Variants in INHBC observed in about 807,000 individuals in gnomAD.
INHBC encodes the protein inhibin subunit beta C.
Under a neutral mutation model 12.4 loss-of-function variants are expected in INHBC, and 10 were observed. The ratio of observed to expected loss-of-function variants is 0.81; its 90% CI spans 0.50 to 1.37. The LOEUF (loss-of-function observed/expected upper bound fraction) is 1.37. INHBC is among the 40% of genes most tolerant of loss of function. The pLI is 0.00. For synonymous variants in INHBC, 147 were observed against 171.6 expected, an observed-to-expected ratio of 0.86 and a Z score of 1.12; for missense variants, 382 against 439.4, an observed-to-expected ratio of 0.87 and a Z score of 1.17.
Position 57,450,077 on chromosome 12 carries a change from A to C in INHBC, c.*55A>C. On this transcript the variant is annotated 3_prime_UTR_variant, in exon 2 of 2. Transcript: ENST00000309668. ...GCATGGGAAAACACGCCCCTACAGA[A>C]GTGCACTTCCTTGAGAGGAGGGAAT... The C allele has an allele frequency of 6.9e-7, 1 of 1,459,192 alleles. No individual in the cohort carries two copies. Among genetic ancestry groups the C allele is most frequent in the Non-Finnish European group, 9.0e-7 (1 of 1,110,296 alleles). The allele number at this position is 1,459,192 out of a possible 1,614,324, so 90.4% of individuals were successfully genotyped here. A position where few individuals can be genotyped will look rare whatever the true frequency, so the allele number is the denominator to read the frequency against.
At position 57,449,534 on chromosome 12, in the gene INHBC, A is replaced by C; in HGVS notation, c.571A>C (p.Ser191Arg). The change falls in exon 2 of 2, where the codon AGC (serine) becomes CGC (arginine). Residue 191 changes from serine to arginine, a missense_variant. Coordinates refer to ENST00000309668, the MANE Select transcript of INHBC (RefSeq NM_005538.4). ...AGGGCCTGAAGCTCAAGCTGCCTGC[A>C]GCCAGGGGCACCTGACCCTGGAGCT... ...PLGPEAQAAC[S>R]QGHLTLELVL... The C allele has an allele frequency of 6.2e-7, 1 of 1,614,224 alleles. No individual in the cohort carries two copies. The highest frequency in any genetic ancestry group is 8.5e-7 in the Non-Finnish European group (1 of 1,180,040).
intron 1 of INHBC, among the ~76,000 whole-genome samples, chr12:57,447,893 ATATATATAT>A (rs1158959136): frequency 5.4e-4 from 11 of 20,336 alleles, no homozygotes; most frequent in African/African-American, 8.8e-4. Context: ...AAAAAAAAAA[ATATATATAT>A]ATATATATAT....
At chr12:57,446,317 A>G (rs1012860691) in intron 1 of INHBC, among the ~76,000 whole-genome samples, 1 of 152,128 alleles carries the variant, frequency 6.6e-6, no homozygotes, top group Non-Finnish European at 1.5e-5. Flanking sequence ...ACTTGGACAT[A>G]CAAGGCTGGG....
intron 1 of INHBC, among the ~76,000 whole-genome samples, chr12:57,441,413 T>G (rs1870462062): frequency 7.2e-6 from 1 of 138,222 alleles, no homozygotes; most frequent in South Asian, 2.4e-4. Flanking sequence ...TAATCCCAGC[T>G]ACTGGGGAGG....
chr12:57,434,872 G>C lies in INHBC; in HGVS notation c.-15G>C. The C allele has an allele frequency of 6.3e-7, 1 of 1,598,256 alleles. No homozygotes were observed. The highest frequency in any genetic ancestry group is 2.2e-5 in the East Asian group (1 of 44,682). Reference sequence around the variant, plus strand: ...GCCCTGAGTCTGTATTGCTCAAGAAGGGCCTTCCCCAGCAATGACCTCCTC... The same window carrying C: ...GCCCTGAGTCTGTATTGCTCAAGAACGGCCTTCCCCAGCAATGACCTCCTC... On this transcript the variant is annotated 5_prime_UTR_variant, in exon 1 of 2. Coordinates refer to ENST00000309668, the MANE Select transcript of INHBC (RefSeq NM_005538.4).
chr12:57,437,682 A>G (rs910389943), intron 1 of INHBC, among the ~76,000 whole-genome samples: 6 of 150,918 alleles, frequency 4.0e-5, no homozygotes, highest in Non-Finnish European at 7.4e-5. Context: ...AAAAAAAAAA[A>G]AAAGAAAGAA....
chr12:57,447,892 AATATATATATAT>A lies in INHBC; in HGVS notation c.314-1365_314-1354del, dbSNP rs1241342566. 1.1e-3 allele frequency among the ~76,000 whole-genome samples: 22 copies of A among 19,880 alleles called. No individual in the cohort carries two copies. The East Asian group carries it at 0.023, about 20-fold the overall frequency. The allele number at this position is 19,880 out of a possible 152,430, so 13.0% of individuals were successfully genotyped here. On this transcript the variant is annotated intron_variant, in intron 1 of 1. Coordinates refer to ENST00000309668, the MANE Select transcript of INHBC (RefSeq NM_005538.4). ...AAAAAAAAAAAAAAAAAAAAAAAAA[AATATATATATAT>A]ATATATATATATATATATAAAATAT...
chr12:57,449,505 C>A lies in INHBC; in HGVS notation c.542C>A (p.Pro181His), dbSNP rs752046212. 5 of 1,614,080 alleles carry A rather than the reference C, an allele frequency of 3.1e-6. No homozygotes were observed. In the African/African-American group the frequency reaches 6.7e-5, roughly 22 times the overall value. The change falls in exon 2 of 2, where the codon CCC (proline) becomes CAC (histidine). Residue 181 changes from proline to histidine, a missense_variant. Transcript: ENST00000309668. ...EVDASGWHQL[P>H]LGPEAQAACS... ...GATGCCAGTGGCTGGCATCAACTCC[C>A]CCTAGGGCCTGAAGCTCAAGCTGCC...
intron 1 of INHBC, among the ~76,000 whole-genome samples, chr12:57,436,061 G>A (rs1052817447): frequency 6.6e-6 from 1 of 152,018 alleles, no homozygotes; most frequent in Non-Finnish European, 1.5e-5. Flanking sequence ...TGGCCAAGCC[G>A]ATCTCAAACT....
At chr12:57,438,683 G>A (rs1333473041) in intron 1 of INHBC, among the ~76,000 whole-genome samples, 1 of 152,212 alleles carries the variant, frequency 6.6e-6, no homozygotes, top group African/African-American at 2.4e-5. Flanking sequence ...CTAGACGAAG[G>A]CATGAAAGCC....
intron 1 of INHBC, among the ~76,000 whole-genome samples, chr12:57,443,077 A>G (rs1337464417): frequency 2.0e-5 from 3 of 147,528 alleles, no homozygotes; most frequent in African/African-American, 5.0e-5. Context: ...TTTTGAGCCC[A>G]TGAGAGTATC....
chr12:57,447,520 C>T (rs939337348), intron 1 of INHBC, among the ~76,000 whole-genome samples: 1 of 150,796 alleles, frequency 6.6e-6, no homozygotes, highest in Admixed American at 6.6e-5. Context: ...AGGGTAGTGG[C>T]ACCACCAAGA....
chr12:57,444,008 C>T (rs1434811884), intron 1 of INHBC, among the ~76,000 whole-genome samples: 1 of 151,606 alleles, frequency 6.6e-6, no homozygotes, highest in East Asian at 2.0e-4. Context: ...AGGCTGATCT[C>T]GAATTCATGA....
chr12:57,446,992 T>TTGG (rs930633613), intron 1 of INHBC, among the ~76,000 whole-genome samples: 3 of 152,272 alleles, frequency 2.0e-5, no homozygotes, highest in African/African-American at 7.2e-5. Flanking sequence ...GTGGAAGGTG[T>TTGG]TGGTGATCTT....
At chr12:57,449,184 C>T (rs1870649971) in intron 1 of INHBC, 93 bp from the exon 2 acceptor site, 2 of 1,457,190 alleles carry the variant, frequency 1.4e-6, no homozygotes, top group Non-Finnish European at 1.9e-6. Context: ...ATGCCAAGTG[C>T]TATAGACAAC....
chr12:57,445,180 G>T (rs1870548253), intron 1 of INHBC, among the ~76,000 whole-genome samples: 1 of 152,244 alleles, frequency 6.6e-6, no homozygotes, highest in South Asian at 2.1e-4. Context: ...AGTATAGGCA[G>T]GGTGTAGTAG....
At position 57,449,704 on chromosome 12, in the gene INHBC, C is replaced by T; in HGVS notation, c.741C>T (p.Cys247=). The change falls in exon 2 of 2, where the codon TGC becomes TGT. Residue 247 remains cysteine, a synonymous_variant. Transcript: ENST00000309668. ...ACTGCCAAGGAGGGTCCAGGATGTG[C>T]TGTCGACAAGAGTTTTTTGTGGACT... ...GIDCQGGSRM[C]CRQEFFVDFR... is the part of the protein sequence containing the mutation. 1 of 1,614,268 alleles carries T rather than the reference C, an allele frequency of 6.2e-7. No individual in the cohort carries two copies. The highest frequency in any genetic ancestry group is 8.5e-7 in the Non-Finnish European group (1 of 1,180,042).
chr12:57,447,171 G>A (rs542205977), intron 1 of INHBC, among the ~76,000 whole-genome samples: 2 of 152,208 alleles, frequency 1.3e-5, no homozygotes, highest in South Asian at 4.1e-4. Context: ...AATGAAGAAA[G>A]TAATCATAGT....
Position 57,435,205 on chromosome 12 carries a change from T to C in INHBC, c.313+6T>C. On this transcript the variant is annotated splice_donor_region_variant and intron_variant, in intron 1 of 1. Transcript: ENST00000309668. ...CATCAGCTTTGCTGAGACAGGTGGG[T>C]TCCTGATCTGTAGCTCTTCCCCAGA... 1 of 1,602,070 alleles carries C rather than the reference T, an allele frequency of 6.2e-7. No individual in the cohort carries two copies. The highest frequency in any genetic ancestry group is 2.2e-5 in the East Asian group (1 of 44,482).
Sources: allele counts gnomAD v4.1 joint callset (sites outside exome capture counted in the v4.1 genomes callset), GRCh38; gene constraint gnomAD v4.1.1; transcripts MANE v1.5; gene names NCBI Gene and HGNC (gene_info 2026-07-23, HGNC 2026-07-21).